SPON1: variants seen among roughly 807,000 people sequenced by gnomAD.
SPON1 encodes spondin 1, also known as spondin-1.
A neutral mutation model predicts 111.7 loss-of-function variants in SPON1; 52 were observed. That is an observed-to-expected ratio of 0.47 (90% CI 0.37 to 0.59). SPON1 has a LOEUF of 0.59. Among genes scored for constraint, SPON1 ranks in the 20% least tolerant of loss-of-function variants. The pLI is 0.00. For missense variants in SPON1, 957 were observed against 1,068.5 expected, an observed-to-expected ratio of 0.90 and a Z score of 1.46; for synonymous variants, 410 against 395.8, an observed-to-expected ratio of 1.04 and a Z score of -0.43.
At chr11:14,180,330 T>A (rs1052952428) in intron 6 of SPON1, among the ~76,000 whole-genome samples, 4 of 152,226 alleles carry the variant, frequency 2.6e-5, no homozygotes, top group Non-Finnish European at 4.4e-5. Context: ...TCTACCTTCA[T>A]CTTCATCATG....
intron 3 of SPON1, among the ~76,000 whole-genome samples, chr11:14,049,881 C>T (rs1467507606): frequency 6.6e-6 from 1 of 152,104 alleles, no homozygotes; most frequent in Non-Finnish European, 1.5e-5. Context: ...GGGGGCATTA[C>T]AAGATACATG....
chr11:14,091,969 G>A (rs926987739), intron 5 of SPON1, among the ~76,000 whole-genome samples: 7 of 152,174 alleles, frequency 4.6e-5, no homozygotes, highest in Non-Finnish European at 1.0e-4. Flanking sequence ...TGGGCAAGGC[G>A]ACACCCCACC....
chr11:14,202,750 TATC>T (rs1554935776), intron 6 of SPON1, among the ~76,000 whole-genome samples: 2 of 152,328 alleles, frequency 1.3e-5, no homozygotes, highest in East Asian at 3.9e-4. Context: ...AGGTGGCTAA[TATC>T]ATCAATTATT....
At position 14,255,747 on chromosome 11, in the gene SPON1, C is replaced by T. The variant is rs1554941148; in HGVS notation, c.1193C>T (p.Thr398Ile). The T allele has an allele frequency of 6.2e-7, 1 of 1,613,922 alleles. No individual in the cohort carries two copies. The highest frequency in any genetic ancestry group is 1.3e-5 in the African/African-American group (1 of 75,026). ...TATGACCCAGAGGGTGGGTCCATCA[C>T]TCAAGTAGCCAGAGTTGTCATCGAG... ...PFYDPEGGSI[T>I]QVARVVIERI... The change falls in exon 9 of 16, where the codon ACT becomes ATT. Residue 398 changes from threonine (T) to isoleucine (I), a missense_variant. Coordinates refer to ENST00000576479, the MANE Select transcript of SPON1 (RefSeq NM_006108.4).
At chr11:14,190,498 ACTTC>A (rs1365382757) in intron 6 of SPON1, among the ~76,000 whole-genome samples, 7 of 118,834 alleles carry the variant, frequency 5.9e-5, no homozygotes, top group Admixed American at 2.6e-4. Flanking sequence ...TTCCTTCTTT[ACTTC>A]CTTCCTTCTT....
At chr11:14,182,138 T>G (rs571469238) in intron 6 of SPON1, among the ~76,000 whole-genome samples, 7 of 152,032 alleles carry the variant, frequency 4.6e-5, no homozygotes, top group Admixed American at 1.3e-4. Flanking sequence ...TGGAGAGGGG[T>G]CTCTAACACT....
intron 5 of SPON1, among the ~76,000 whole-genome samples, chr11:14,087,832 G>A (rs1849018542): frequency 6.6e-6 from 1 of 152,082 alleles, no homozygotes; most frequent in Admixed American, 6.5e-5. Context: ...CCTGTATTGG[G>A]GGCACATATA....
chr11:14,120,694 G>T (rs1347998557), intron 5 of SPON1, among the ~76,000 whole-genome samples: 2 of 151,884 alleles, frequency 1.3e-5, no homozygotes, highest in Non-Finnish European at 2.9e-5. Flanking sequence ...TGCATGTCCT[G>T]GTTTGCTACC....
At chr11:14,075,879 T>A (rs1396792316) in intron 4 of SPON1, among the ~76,000 whole-genome samples, 4 of 152,162 alleles carry the variant, frequency 2.6e-5, no homozygotes, top group African/African-American at 4.8e-5. Flanking sequence ...GTGTTGACCT[T>A]GTGATATCAC....
intron 6 of SPON1, among the ~76,000 whole-genome samples, chr11:14,201,007 G>C (rs573570555): frequency 1.3e-5 from 2 of 151,784 alleles, no homozygotes; most frequent in African/African-American, 4.8e-5. Flanking sequence ...CTACCTCTCT[G>C]AGCCTCAGTT....
intron 6 of SPON1, among the ~76,000 whole-genome samples, chr11:14,172,468 A>C (rs1848116711): frequency 1.3e-5 from 2 of 151,848 alleles, no homozygotes; most frequent in South Asian, 4.1e-4. Flanking sequence ...TGTGTCTTTT[A>C]ATTGGAGCAT....
chr11:14,248,735 G>A (rs745780094), intron 7 of SPON1, among the ~76,000 whole-genome samples: 25 of 152,112 alleles, frequency 1.6e-4, no homozygotes, highest in African/African-American at 4.1e-4. Context: ...CTCCCTCGCC[G>A]CCCAGTGGAA....
At chr11:14,007,023 A>C (rs2133795971) in intron 2 of SPON1, among the ~76,000 whole-genome samples, 1 of 152,202 alleles carries the variant, frequency 6.6e-6, no homozygotes, top group African/African-American at 2.4e-5. Flanking sequence ...GTGGTCCCAA[A>C]CCTTTTTGGC....
intron 7 of SPON1, among the ~76,000 whole-genome samples, chr11:14,248,265 G>A (rs1355781029): frequency 1.3e-5 from 2 of 152,212 alleles, no homozygotes; most frequent in Non-Finnish European, 2.9e-5. Context: ...TGTGAACAGA[G>A]CATGAGGTTA....
Position 14,090,824 on chromosome 11 carries a change from G to GCCAC in SPON1, c.676+10805_676+10806insACCC, listed in dbSNP as rs1849046497. Among the ~76,000 whole-genome samples the GCCAC allele has an allele frequency of 5.0e-3, 230 of 45,550 alleles. 8 individuals are homozygous for GCCAC. Among genetic ancestry groups the GCCAC allele is most frequent in the East Asian group, 0.012 (5 of 408 alleles). 29.9% of individuals were successfully genotyped at this position (45,550 alleles called of 152,430 possible). A position where few individuals can be genotyped will look rare whatever the true frequency, so the allele number is the denominator to read the frequency against. ...CAGCCTGCTTTTATTCTCTTATCTG[G>GCCAC]CCCCCCCCCCCCCCCCCCCCGCCCA... On this transcript the variant is annotated intron_variant, in intron 5 of 15. Transcript: ENST00000576479.
intron 6 of SPON1, among the ~76,000 whole-genome samples, chr11:14,229,225 T>C (rs1437581829): frequency 6.6e-6 from 1 of 152,216 alleles, no homozygotes; most frequent in Non-Finnish European, 1.5e-5. Context: ...TACTATGACG[T>C]GGGTACTTTG....
intron 2 of SPON1, among the ~76,000 whole-genome samples, chr11:14,036,488 A>G (rs1407942256): frequency 6.6e-6 from 1 of 152,210 alleles, no homozygotes; most frequent in Admixed American, 6.5e-5. Flanking sequence ...ACCAGGTTAG[A>G]GGAAAGACGG....
chr11:14,198,121 G>T (rs1848422845), intron 6 of SPON1, among the ~76,000 whole-genome samples: 1 of 152,252 alleles, frequency 6.6e-6, no homozygotes, highest in Admixed American at 6.5e-5. Flanking sequence ...CCCATCTGGA[G>T]TGGAGGATGG....
intron 6 of SPON1, among the ~76,000 whole-genome samples, chr11:14,236,840 G>A (rs1554939258): frequency 6.6e-6 from 1 of 152,218 alleles, no homozygotes; most frequent in Admixed American, 6.5e-5. Context: ...TGAGAGCTGG[G>A]CACTGACTTT....
Sources: gnomAD v4.1 joint callset for allele counts (sites outside exome capture counted in the v4.1 genomes callset) on GRCh38, gnomAD v4.1.1 for gene constraint, MANE v1.5 for transcripts, NCBI Gene and HGNC (gene_info 2026-07-23, HGNC 2026-07-21) for gene names.